Variants in PLD5 observed in about 807,000 individuals in gnomAD.
PLD5 encodes the protein inactive phospholipase D5.
A neutral mutation model predicts 61.1 loss-of-function variants in PLD5; 36 were observed. The ratio of observed to expected loss-of-function variants is 0.59; its 90% CI spans 0.45 to 0.78. The LOEUF is 0.78. PLD5 is among the 30% of genes least tolerant of loss of function. The pLI is 0.00. For synonymous variants in PLD5, 243 were observed against 242.8 expected (o/e 1.00, Z -0.01); for missense variants, 515 against 644.4 (o/e 0.80, Z 2.17).
chr1:242,467,127 T>C (rs148587796), intron 1 of PLD5, among the ~76,000 whole-genome samples: 68 of 152,294 alleles, frequency 4.5e-4, no homozygotes, highest in African/African-American at 1.5e-3. Context: ...GGTAAGTCTG[T>C]GAAGTGACGG....
chr1:242,471,903 C>A (rs1273802719), intron 1 of PLD5, among the ~76,000 whole-genome samples: 1 of 152,126 alleles, frequency 6.6e-6, no homozygotes, highest in Non-Finnish European at 1.5e-5. Flanking sequence ...TATTTGAAAG[C>A]AATTTGCTTT....
chr1:242,357,003 T>C (rs892392529), intron 1 of PLD5, among the ~76,000 whole-genome samples: 23 of 152,042 alleles, frequency 1.5e-4, no homozygotes, highest in African/African-American at 5.5e-4. Flanking sequence ...TTGCTATTTA[T>C]TATGTATACC....
At chr1:242,318,097 G>C (rs1658133795) in intron 2 of PLD5, among the ~76,000 whole-genome samples, 1 of 152,160 alleles carries the variant, frequency 6.6e-6, no homozygotes, top group East Asian at 1.9e-4. Flanking sequence ...TTTTAAAAGT[G>C]GCTCGCCTAA....
rs147065464 is a variant in PLD5 at position 242,089,864 on chromosome 1, C to T, written c.1601G>A (p.Arg534Gln). Residue 534 changes from arginine to glutamine, a missense_variant, in exon 10 of 10, where the codon CGG becomes CAG. Physicochemically the swap from Arg to Gln is conservative, Grantham distance 43. Transcript: ENST00000536534. ...AGTTTCTTCATCATGTTATACGTTC[C>T]GGGGATCCTTTCCGCCTGTGTCGTC... ...ATDDTGGKDP[R>Q]NV 1,664 of 1,614,036 alleles carry T rather than the reference C, an allele frequency of 1.0e-3. 1 individual carries two copies. Among genetic ancestry groups the T allele is most frequent in the Admixed American group, 2.4e-3 (144 of 60,008 alleles).
At chr1:242,429,509 A>C (rs1665606535) in intron 1 of PLD5, among the ~76,000 whole-genome samples, 1 of 152,126 alleles carries the variant, frequency 6.6e-6, no homozygotes, top group African/African-American at 2.4e-5. Flanking sequence ...AGCCTCCCAA[A>C]GTGCTGGGAT....
intron 1 of PLD5, among the ~76,000 whole-genome samples, chr1:242,464,783 C>A (rs4658485): frequency 0.69 from 104,668 of 151,978 alleles, 36,780 homozygotes; most frequent in African/African-American, 0.83. Flanking sequence ...AGAAGCACAA[C>A]ATGGTGTCTA....
At chr1:242,395,126 T>C (rs1373950510) in intron 1 of PLD5, among the ~76,000 whole-genome samples, 1 of 148,326 alleles carries the variant, frequency 6.7e-6, no homozygotes, top group East Asian at 1.9e-4. Context: ...TATATGTATG[T>C]ATATGTATAT....
At chr1:242,175,000 C>T (rs564547902) in intron 5 of PLD5, among the ~76,000 whole-genome samples, 1 of 152,150 alleles carries the variant, frequency 6.6e-6, no homozygotes, top group Middle Eastern at 3.4e-3. Context: ...ATGTAACAAA[C>T]CTGCACGTTG....
chr1:242,201,645 C>A (rs1235465283), intron 5 of PLD5, among the ~76,000 whole-genome samples: 1 of 152,014 alleles, frequency 6.6e-6, no homozygotes, highest in East Asian at 1.9e-4. Flanking sequence ...CCTCAGCCTC[C>A]TGAATAGCAG....
intron 1 of PLD5, among the ~76,000 whole-genome samples, chr1:242,391,981 C>A (rs1396623042): frequency 6.6e-6 from 1 of 152,106 alleles, no homozygotes; most frequent in Non-Finnish European, 1.5e-5. Flanking sequence ...GCACCATTCA[C>A]AATAGCAAAG....
At chr1:242,447,958 C>G (rs764132795) in intron 1 of PLD5, among the ~76,000 whole-genome samples, 3 of 152,240 alleles carry the variant, frequency 2.0e-5, no homozygotes, top group Non-Finnish European at 4.4e-5. Context: ...AGGAATGATT[C>G]TGCCTCAAGC....
intron 1 of PLD5, among the ~76,000 whole-genome samples, chr1:242,466,911 A>G (rs1572199343): frequency 1.4e-5 from 2 of 146,092 alleles, no homozygotes; most frequent in Non-Finnish European, 1.5e-5. Flanking sequence ...AAAAAAGTGG[A>G]ACTTATAGAA....
At chr1:242,512,228 G>A (rs547771869) in intron 1 of PLD5, among the ~76,000 whole-genome samples, 176 of 151,042 alleles carry the variant, frequency 1.2e-3, no homozygotes, top group Middle Eastern at 3.4e-3. Context: ...TGGCTAACAC[G>A]GTGAAACCTC....
chr1:242,413,606 A>C (rs1417773059), intron 1 of PLD5, among the ~76,000 whole-genome samples: 1 of 152,236 alleles, frequency 6.6e-6, no homozygotes, highest in Admixed American at 6.5e-5. Context: ...GGATAAATGC[A>C]TCTACATATA....
chr1:242,201,282 G>A (rs567046951), intron 5 of PLD5, among the ~76,000 whole-genome samples: 1 of 152,178 alleles, frequency 6.6e-6, no homozygotes, highest in African/African-American at 2.4e-5. Context: ...AGATGCTTGA[G>A]CTGCAACACT....
intron 3 of PLD5, among the ~76,000 whole-genome samples, chr1:242,275,483 C>T (rs554544337): frequency 2.0e-5 from 3 of 152,090 alleles, no homozygotes; most frequent in African/African-American, 7.2e-5. Context: ...TCAGTGTTAG[C>T]CTTTATTCTC....
At chr1:242,281,620 A>C (rs538599909) in intron 3 of PLD5, among the ~76,000 whole-genome samples, 1 of 152,336 alleles carries the variant, frequency 6.6e-6, no homozygotes, top group South Asian at 2.1e-4. Flanking sequence ...TTACCAGATA[A>C]CTTTGCTAGA....
intron 1 of PLD5, among the ~76,000 whole-genome samples, chr1:242,497,226 A>G (rs575787639): frequency 1.3e-5 from 2 of 152,236 alleles, no homozygotes; most frequent in Non-Finnish European, 2.9e-5. Context: ...ACTAAAACCC[A>G]GACCTACTAA....
chr1:242,095,867 T>C (rs1412820104), intron 9 of PLD5, among the ~76,000 whole-genome samples: 5 of 152,144 alleles, frequency 3.3e-5, no homozygotes, highest in African/African-American at 9.7e-5. Context: ...TTCATATTAC[T>C]CTCCATAAGT....
Sources: allele counts gnomAD v4.1 joint callset (sites outside exome capture counted in the v4.1 genomes callset), GRCh38; gene constraint gnomAD v4.1.1; transcripts MANE v1.5; gene names NCBI Gene and HGNC (gene_info 2026-07-23, HGNC 2026-07-21).